The following TRHDE variants were observed in gnomAD, a reference collection of about 807,000 sequenced individuals.
TRHDE encodes the protein thyrotropin releasing hormone degrading enzyme.
A neutral mutation model predicts 125.7 loss-of-function variants in TRHDE; 72 were observed. The observed-to-expected ratio is 0.57, with a 90% CI of 0.47 to 0.70. The LOEUF is 0.70. Among genes scored for constraint, TRHDE ranks in the 30% least tolerant of loss-of-function variants. The probability of loss-of-function intolerance (pLI) is 0.00; values close to 1 mark genes in which losing one functional copy is unlikely to be tolerated. For missense variants in TRHDE, 1,110 were observed against 1,327.1 expected (o/e 0.84, Z 2.54); for synonymous variants, 509 against 509.1 (o/e 1.00, Z 0.00).
At chr12:72,564,423 G>C (rs944494223) in intron 9 of TRHDE, among the ~76,000 whole-genome samples, 3 of 152,142 alleles carry the variant, frequency 2.0e-5, no homozygotes, top group Non-Finnish European at 4.4e-5. Flanking sequence ...AGGCCTTTGA[G>C]AATGATCAGT....
chr12:72,357,960 A>T (rs951106348), intron 2 of TRHDE, among the ~76,000 whole-genome samples: 1 of 151,584 alleles, frequency 6.6e-6, no homozygotes, highest in Admixed American at 6.6e-5. Context: ...TGGCATTAGA[A>T]AGTTAAAAAA....
At chr12:72,508,562 A>G (rs1028699027) in intron 6 of TRHDE, among the ~76,000 whole-genome samples, 1 of 152,134 alleles carries the variant, frequency 6.6e-6, no homozygotes, top group African/African-American at 2.4e-5. Flanking sequence ...CTGTATCCCC[A>G]TTCTATCTTG....
At chr12:72,557,902 A>T (rs1439976262) in intron 7 of TRHDE, among the ~76,000 whole-genome samples, 1 of 152,124 alleles carries the variant, frequency 6.6e-6, no homozygotes, top group Non-Finnish European at 1.5e-5. Flanking sequence ...TAAGTAATCT[A>T]TGCTTACTGC....
At chr12:72,177,290 T>TA (rs1002808487) in intron 2 of TRHDE, among the ~76,000 whole-genome samples, 48 of 152,144 alleles carry the variant, frequency 3.2e-4, no homozygotes, top group Non-Finnish European at 5.9e-4. Context: ...TATGTTAGCT[T>TA]AAAAAATATG....
intron 3 of TRHDE, among the ~76,000 whole-genome samples, chr12:72,381,716 G>A (rs1872194240): frequency 2.0e-5 from 3 of 152,120 alleles, no homozygotes; most frequent in South Asian, 4.1e-4. Flanking sequence ...AATAGTGAAC[G>A]AAATATGTGA....
intron 4 of TRHDE, among the ~76,000 whole-genome samples, chr12:72,471,141 G>A (rs527319826): frequency 6.6e-6 from 1 of 152,130 alleles, no homozygotes; most frequent in South Asian, 2.1e-4. Flanking sequence ...ACCTCCCAAA[G>A]TGCTGGGATT....
chr12:72,147,410 A>G (rs1876255159), intron 2 of TRHDE: 2 of 152,232 alleles, frequency 1.3e-5, no homozygotes, highest in Non-Finnish European at 2.9e-5. Flanking sequence ...GGAGGCCGGC[A>G]GTTGTGCAGA....
intron 2 of TRHDE, among the ~76,000 whole-genome samples, chr12:72,355,520 C>A (rs564762306): frequency 0.058 from 8,756 of 151,574 alleles, 465 homozygotes; most frequent in African/African-American, 0.13. Context: ...ACAAAGACAC[C>A]AAAACAATCA....
intron 3 of TRHDE, among the ~76,000 whole-genome samples, chr12:72,402,151 G>A (rs1050117453): frequency 3.3e-5 from 5 of 152,182 alleles, no homozygotes; most frequent in African/African-American, 1.2e-4. Context: ...TTTGAGGGCT[G>A]TGAGGAATAA....
chr12:72,352,849 T>C (rs1870644207), intron 2 of TRHDE, among the ~76,000 whole-genome samples: 1 of 151,704 alleles, frequency 6.6e-6, no homozygotes, highest in Non-Finnish European at 1.5e-5. Context: ...AAAATTATAC[T>C]GTTTGGGCAG....
intron 3 of TRHDE, among the ~76,000 whole-genome samples, chr12:72,404,571 AAG>A (rs1209769108): frequency 5.9e-5 from 9 of 152,234 alleles, no homozygotes; most frequent in Non-Finnish European, 8.8e-5. Context: ...AAGGTGAAGG[AAG>A]AGCAAAGAAA....
intron 3 of TRHDE, among the ~76,000 whole-genome samples, chr12:72,417,112 A>G (rs956152772): frequency 2.6e-5 from 4 of 151,812 alleles, no homozygotes; most frequent in African/African-American, 9.7e-5. Context: ...TGGGTATTTC[A>G]TTTTATTTGT....
At chr12:72,646,265 AGTT>A (rs1272644980) in intron 15 of TRHDE, among the ~76,000 whole-genome samples, 2 of 152,040 alleles carry the variant, frequency 1.3e-5, no homozygotes, top group Non-Finnish European at 2.9e-5. Flanking sequence ...TTTAAGCTTA[AGTT>A]GTTATCAGCT....
At chr12:72,534,395 A>G (rs1565781369) in intron 6 of TRHDE, among the ~76,000 whole-genome samples, 1 of 152,076 alleles carries the variant, frequency 6.6e-6, no homozygotes. Context: ...GCTGGTATCT[A>G]TGGTCCTCCT....
chr12:72,360,330 T>C (rs191440342), intron 2 of TRHDE, among the ~76,000 whole-genome samples: 1 of 151,902 alleles, frequency 6.6e-6, no homozygotes, highest in Non-Finnish European at 1.5e-5. Flanking sequence ...AAATTGCACA[T>C]TGGCAAATGA....
At chr12:72,202,214 T>TA (rs1462715786) in intron 2 of TRHDE, among the ~76,000 whole-genome samples, 1 of 152,212 alleles carries the variant, frequency 6.6e-6, no homozygotes, top group Non-Finnish European at 1.5e-5. Context: ...CCCTTTGGTC[T>TA]ATCAGTGAGA....
intron 2 of TRHDE, among the ~76,000 whole-genome samples, chr12:72,265,624 G>GA (rs1170226382): frequency 1.3e-5 from 2 of 151,278 alleles, no homozygotes; most frequent in Non-Finnish European, 1.5e-5. Context: ...AGTACCTGAA[G>GA]AAAAAAATCA....
chr12:72,483,008 T>G (rs1438168086), intron 5 of TRHDE, among the ~76,000 whole-genome samples: 2 of 152,034 alleles, frequency 1.3e-5, no homozygotes, highest in Admixed American at 6.5e-5. Flanking sequence ...TATTTTCTAT[T>G]TATTGCTAAG....
intron 2 of TRHDE, among the ~76,000 whole-genome samples, chr12:72,351,985 TC>T (rs1349980205): frequency 6.6e-6 from 1 of 151,912 alleles, no homozygotes; most frequent in African/African-American, 2.4e-5. Flanking sequence ...AGGGAAGTTT[TC>T]TCTGATCTTC....
Sources: allele counts gnomAD v4.1 joint callset (sites outside exome capture counted in the v4.1 genomes callset), GRCh38; gene constraint gnomAD v4.1.1; transcripts MANE v1.5; gene names NCBI Gene and HGNC (gene_info 2026-07-23, HGNC 2026-07-21).